DST: variants seen among roughly 807,000 people sequenced by gnomAD.
The protein encoded by DST is dystonin, also known as bullous pemphigoid antigen.
DST carries 253 observed loss-of-function variants against 875.2 expected under a neutral mutation model. The observed-to-expected ratio is 0.29, with a 90% CI of 0.26 to 0.32. The LOEUF is 0.32. DST is among the 10% of genes least tolerant of loss of function. The pLI is 1.00. For synonymous variants in DST, 3,124 were observed against 3,197.1 expected (o/e 0.98, Z 0.77); for missense variants, 8,287 against 9,111.6 (o/e 0.91, Z 3.68).
chr6:56,632,136 C>A, intron 28 of DST, 96 bp from the exon 29 acceptor site: 1 of 864,572 alleles, frequency 1.2e-6, no homozygotes, highest in East Asian at 2.6e-5. Flanking sequence ...TACTGGGACA[C>A]AGCTAGTCAA....
intron 3 of DST, among the ~76,000 whole-genome samples, chr6:56,866,122 T>C (rs1196693494): frequency 6.6e-6 from 1 of 151,988 alleles, no homozygotes; most frequent in African/African-American, 2.4e-5. Context: ...GCCTCCCGAG[T>C]AGCTGGGGCT....
intron 9 of DST, among the ~76,000 whole-genome samples, chr6:56,673,843 AG>A (rs1262022115): frequency 2.0e-5 from 3 of 152,228 alleles, no homozygotes; most frequent in African/African-American, 7.2e-5. Context: ...CAAGCAGGGC[AG>A]GTGAATTCTA....
intron 80 of DST, 114 bp from the exon 81 acceptor site, chr6:56,498,167 G>T: frequency 1.9e-6 from 2 of 1,058,536 alleles, no homozygotes; most frequent in Non-Finnish European, 2.7e-6. Flanking sequence ...AACGTTATAT[G>T]TGTAGAATTT....
chr6:56,938,321 A>G (rs575376641), intron 2 of DST, among the ~76,000 whole-genome samples: 1 of 151,594 alleles, frequency 6.6e-6, no homozygotes, highest in Non-Finnish European at 1.5e-5. Context: ...TTTTTGTTTC[A>G]CTATGTTGCC....
intron 2 of DST, among the ~76,000 whole-genome samples, chr6:56,917,326 G>T (rs1231246245): frequency 1.3e-5 from 2 of 152,198 alleles, no homozygotes; most frequent in Non-Finnish European, 2.9e-5. Context: ...CAGAGAAAAA[G>T]CAGAAGGGAA....
chr6:56,562,493 C>T (rs937536556), intron 55 of DST, among the ~76,000 whole-genome samples: 1 of 151,142 alleles, frequency 6.6e-6, no homozygotes, highest in African/African-American at 2.4e-5. Context: ...TGTGTTTTAT[C>T]CAATAAATTC....
At chr6:56,655,590 C>T (rs929757141) in intron 10 of DST, among the ~76,000 whole-genome samples, 4 of 152,148 alleles carry the variant, frequency 2.6e-5, no homozygotes, top group African/African-American at 9.7e-5. Context: ...TACCCTGCAT[C>T]TGCTTTCCTA....
Position 56,561,463 on chromosome 6 carries a change from G to A in DST, c.14155C>T (p.Leu4719=). The part of the protein sequence containing the change: ...GLLLKDKIAE[L]NTKLSKLQKA... ...TGCAATTTGGAGAGTTTAGTGTTCA[G>A]TTCCGCTATTTTGTCCTTGAGTAAG... is the stretch of plus-strand genomic sequence containing the variant. The change falls in exon 57 of 104, where the codon CTG becomes TTG. Residue 4719 remains leucine, a synonymous_variant. Transcript: ENST00000680361. 2 of 1,613,828 alleles carry A rather than the reference G, an allele frequency of 1.2e-6. No homozygotes were observed. Among genetic ancestry groups the A allele is most frequent in the Non-Finnish European group, 1.7e-6 (2 of 1,179,792 alleles).
intron 2 of DST, among the ~76,000 whole-genome samples, chr6:56,913,303 GC>G (rs1186297348): frequency 1.3e-5 from 2 of 151,988 alleles, no homozygotes; most frequent in Non-Finnish European, 2.9e-5. Context: ...CTTTTTCAAT[GC>G]CCATTTTACA....
chr6:56,722,724 T>C (rs961234156), intron 5 of DST, among the ~76,000 whole-genome samples: 2 of 152,294 alleles, frequency 1.3e-5, no homozygotes, highest in East Asian at 3.9e-4. Flanking sequence ...TTAAAGTAGT[T>C]AAGACTACAG....
At chr6:56,564,720 A>G (rs9475721) in intron 55 of DST, among the ~76,000 whole-genome samples, 67,036 of 151,930 alleles carry the variant, frequency 0.44, 15,356 homozygotes, top group African/African-American at 0.55. Context: ...GTCACAAATA[A>G]CTCTTATTGT....
rs1174157676 is a variant in DST, at chr6:56,704,363, T to C, written c.694A>G (p.Lys232Glu). 6.5e-7 allele frequency: 1 copy of C among 1,549,740 alleles called. No individual in the cohort carries two copies. The highest frequency in any genetic ancestry group is 1.4e-5 in the African/African-American group (1 of 72,722). The part of the protein sequence containing the change: ...WINQHLMKVR[K>E]HVNDLYEDLR... Reference sequence around the variant, plus strand: ...TCTTCATAGAGATCATTCACATGTTTTCGAACCTATAAAGAGAAAAGCAAA... The same window carrying C: ...TCTTCATAGAGATCATTCACATGTTCTCGAACCTATAAAGAGAAAAGCAAA... The change falls in exon 6 of 104, where the codon AAA becomes GAA. Residue 232 changes from lysine (K) to glutamate (E), a missense_variant. This residue lies in a region of DST where 1,160 missense variants were observed against 1,424.3 expected (regional missense o/e 0.81). Transcript: ENST00000680361.
At chr6:56,949,874 G>A (rs1489483598) in intron 2 of DST, among the ~76,000 whole-genome samples, 1 of 152,110 alleles carries the variant, frequency 6.6e-6, no homozygotes, top group Non-Finnish European at 1.5e-5. Context: ...TTATTTTGCT[G>A]GCCATTCTCC....
chr6:56,835,759 T>C (rs1431135495), intron 4 of DST, among the ~76,000 whole-genome samples: 1 of 152,192 alleles, frequency 6.6e-6, no homozygotes. Context: ...TGGAAAACCA[T>C]AGCACTGAAT....
Position 56,814,127 on chromosome 6 carries a change from T to C in DST, c.625+37270A>G, listed in dbSNP as rs191740448. 5.4e-3 allele frequency among the ~76,000 whole-genome samples: 820 copies of C among 152,276 alleles called. 6 individuals carry two copies. Among genetic ancestry groups the C allele is most frequent in the African/African-American group, 0.011 (454 of 41,578 alleles). ...CAGTAATTGTGATGGTCTCAATATA[T>C]AGACAAAACTACACATTATTATTTA... On this transcript the variant is annotated intron_variant, in intron 4 of 103. Transcript: ENST00000680361.
chr6:56,826,541 C>A (rs758231902), intron 4 of DST, among the ~76,000 whole-genome samples: 47 of 152,102 alleles, frequency 3.1e-4, no homozygotes, highest in Admixed American at 1.3e-4. Context: ...ATTTTCATAG[C>A]TCTCTCTGTT....
intron 14 of DST, 45 bp downstream of exon 14, chr6:56,646,042 A>G (rs899708979): frequency 1.3e-6 from 2 of 1,592,936 alleles, no homozygotes; most frequent in East Asian, 4.5e-5. Context: ...AAAACAAAAC[A>G]AAACAAAGAC....
chr6:56,535,132 T>G lies in DST; in HGVS notation c.16931A>C (p.Gln5644Pro), dbSNP rs2096971275. The G allele has an allele frequency of 6.2e-7, 1 of 1,613,338 alleles. No individual in the cohort carries two copies. Among genetic ancestry groups the G allele is most frequent in the African/African-American group, 1.3e-5 (1 of 74,888 alleles). The change falls in exon 63 of 104, where the codon CAA (glutamine) becomes CCA (proline). Residue 5644 changes from glutamine (Q) to proline (P), a missense_variant. Gln to Pro is a moderately conservative substitution (Grantham distance 76). Transcript: ENST00000680361. ...GCATGACTAACTTACCTTTTGTTCT[T>G]GTATCTGGGCCTTTACCACTTTGAA... ...AEFKVVKAQI[Q>P]EQKLLQRLLD...
At position 56,511,995 on chromosome 6, in the gene DST, G is replaced by A. The variant is rs186538609; in HGVS notation, c.18577-595C>T. 2.0e-4 allele frequency among the ~76,000 whole-genome samples: 30 copies of A among 151,930 alleles called. No homozygotes were observed. In the East Asian group the frequency reaches 4.6e-3, roughly 23 times the overall value. ...CACAAGGCATTGCATTTATATATGCGGACTGATATAAAATGAATGAACATG... is the reference window on the plus strand; with the variant it reads ...CACAAGGCATTGCATTTATATATGCAGACTGATATAAAATGAATGAACATG... On this transcript the variant is annotated intron_variant, in intron 72 of 103. Coordinates refer to ENST00000680361, the MANE Select transcript of DST (RefSeq NM_001374736.1).
Sources: gnomAD v4.1 joint callset for allele counts (sites outside exome capture counted in the v4.1 genomes callset) on GRCh38, gnomAD v4.1.1 for gene constraint, gnomAD v4.1.1 regional missense constraint, MANE v1.5 for transcripts, NCBI Gene and HGNC (gene_info 2026-07-23, HGNC 2026-07-21) for gene names.